Variants in SEC14L5 observed in about 807,000 individuals in gnomAD.
SEC14L5 encodes the protein SEC14 like lipid binding 5, also known as SEC14-like protein 5.
A neutral mutation model predicts 84.6 loss-of-function variants in SEC14L5; 96 were observed. The observed-to-expected ratio is 1.13, with a 90% CI of 0.96 to 1.34. The LOEUF (loss-of-function observed/expected upper bound fraction) is 1.34. SEC14L5 is among the 40% of genes most tolerant of loss of function. The pLI, the probability that SEC14L5 is intolerant of heterozygous loss-of-function variation, is 0.00. For missense variants in SEC14L5, 1,224 were observed against 942.5 expected (o/e 1.30, Z -3.91); for synonymous variants, 546 against 383.4 (o/e 1.42, Z -4.95).
chr16:4,975,844 G>A (rs953187641), intron 2 of SEC14L5, among the ~76,000 whole-genome samples: 8 of 152,160 alleles, frequency 5.3e-5, no homozygotes, highest in East Asian at 3.9e-4. Context: ...CAGTGGCTGC[G>A]TAGTGGCCAG....
chr16:5,002,632 A>T (rs1955689486), intron 10 of SEC14L5, among the ~76,000 whole-genome samples: 1 of 152,150 alleles, frequency 6.6e-6, no homozygotes, highest in Non-Finnish European at 1.5e-5. Context: ...TCATGAAGGG[A>T]TGCTTTGGAG....
intron 12 of SEC14L5, among the ~76,000 whole-genome samples, chr16:5,006,643 C>G (rs937615063): frequency 5.3e-5 from 8 of 152,226 alleles, no homozygotes; most frequent in Non-Finnish European, 1.2e-4. Flanking sequence ...AAATACCAGA[C>G]AGTGAGCTTG....
Position 4,959,305 on chromosome 16 carries a change from T to C in SEC14L5, c.-19T>C, listed in dbSNP as rs370986603. 144 of 1,609,324 alleles carry C rather than the reference T, an allele frequency of 8.9e-5. No homozygotes were observed. In the African/African-American group the frequency reaches 9.9e-4, roughly 11 times the overall value. On this transcript the variant is annotated 5_prime_UTR_variant, in exon 2 of 16. Coordinates refer to ENST00000251170, the MANE Select transcript of SEC14L5 (RefSeq NM_014692.2). ...GCACACCCCTGCCTGGTGACCTCCA[T>C]TGGTGCTCCAGCGTGAACATGGTGC...
chr16:4,996,835 T>C lies in SEC14L5; in HGVS notation c.781-20T>C, dbSNP rs773072865. ...TCAGGGGATACCGTTCTGTGGGCTTTTTACTTCTTTGTCTCTCAGATTCCC... is the reference window on the plus strand; with the variant it reads ...TCAGGGGATACCGTTCTGTGGGCTTCTTACTTCTTTGTCTCTCAGATTCCC... On this transcript the variant is annotated intron_variant, in intron 7 of 15. Transcript: ENST00000251170. 42 of 1,599,178 alleles carry C rather than the reference T, an allele frequency of 2.6e-5. No individual in the cohort carries two copies. Among genetic ancestry groups the C allele is most frequent in the Non-Finnish European group, 3.2e-5 (38 of 1,171,642 alleles).
At chr16:4,982,281 G>C (rs995490336) in intron 2 of SEC14L5, among the ~76,000 whole-genome samples, 1 of 152,126 alleles carries the variant, frequency 6.6e-6, no homozygotes, top group African/African-American at 2.4e-5. Context: ...CTCAGATGCC[G>C]GCACTATTTT....
At chr16:4,995,288 C>T (rs900046547) in intron 6 of SEC14L5, among the ~76,000 whole-genome samples, 2 of 152,254 alleles carry the variant, frequency 1.3e-5, no homozygotes, top group Non-Finnish European at 1.5e-5. Context: ...ACCCTCATGG[C>T]TAAGAGTGGG....
chr16:4,991,778 C>T (rs1053080472), intron 5 of SEC14L5, 60 bp from the exon 6 acceptor site: 2 of 1,249,596 alleles, frequency 1.6e-6, no homozygotes. Flanking sequence ...CTGTGGTGAT[C>T]CTGTGACCCC....
intron 6 of SEC14L5, among the ~76,000 whole-genome samples, chr16:4,994,806 G>A (rs1320613172): frequency 3.3e-5 from 5 of 151,822 alleles, no homozygotes; most frequent in East Asian, 3.9e-4. Flanking sequence ...TGTGCTGTCC[G>A]CCAGCAGCAC....
intron 15 of SEC14L5, among the ~76,000 whole-genome samples, chr16:5,012,716 C>A (rs1378956068): frequency 6.6e-6 from 1 of 152,146 alleles, no homozygotes; most frequent in Admixed American, 6.5e-5. Flanking sequence ...ACCAGCCTAG[C>A]CAACATGGCG....
At chr16:4,964,553 C>T (rs1375551009) in intron 2 of SEC14L5, among the ~76,000 whole-genome samples, 11 of 152,036 alleles carry the variant, frequency 7.2e-5, no homozygotes, top group Non-Finnish European at 4.4e-5. Flanking sequence ...CATTGCACTC[C>T]AGCCTGGGTG....
chr16:5,014,314 C>T (rs928366886), intron 15 of SEC14L5, among the ~76,000 whole-genome samples: 5 of 152,072 alleles, frequency 3.3e-5, no homozygotes, highest in Admixed American at 6.6e-5. Context: ...TTTGGGAGGC[C>T]GAGTCACGAG....
chr16:4,976,704 T>A (rs1955345207), intron 2 of SEC14L5, among the ~76,000 whole-genome samples: 1 of 152,200 alleles, frequency 6.6e-6, no homozygotes, highest in Non-Finnish European at 1.5e-5. Flanking sequence ...ACTGTGGCCC[T>A]GCAGCTGTGG....
chr16:5,012,310 G>A (rs1172211625), intron 15 of SEC14L5, among the ~76,000 whole-genome samples: 1 of 152,198 alleles, frequency 6.6e-6, no homozygotes, highest in African/African-American at 2.4e-5. Context: ...TTCTGAGGCC[G>A]GGCATGTGGA....
At chr16:4,985,295 G>A (rs1017384576) in intron 2 of SEC14L5, among the ~76,000 whole-genome samples, 2 of 151,896 alleles carry the variant, frequency 1.3e-5, no homozygotes, top group African/African-American at 2.4e-5. Flanking sequence ...GCACAATGTC[G>A]CCTCACTGCA....
At chr16:5,012,397 C>G (rs1387762118) in intron 15 of SEC14L5, among the ~76,000 whole-genome samples, 1 of 152,192 alleles carries the variant, frequency 6.6e-6, no homozygotes. Context: ...CCTTACTGCC[C>G]TGTCCTCTTG....
chr16:4,980,083 G>A (rs1164695476), intron 2 of SEC14L5, among the ~76,000 whole-genome samples: 1 of 152,230 alleles, frequency 6.6e-6, no homozygotes. Flanking sequence ...GCTGCTGGGC[G>A]AGTCACTCTG....
Position 4,988,267 on chromosome 16 carries a change from A to G in SEC14L5, c.332A>G (p.His111Arg). Residue 111 changes from histidine to arginine, a missense_variant, in exon 4 of 16, where the codon CAC (histidine) becomes CGC (arginine). Transcript: ENST00000251170. Reference sequence around the variant, plus strand: ...GCCAACCGCGTGGTGGTGAACGAGCACTGCAGCTACACGGTGAGCCCAGGC... The same window carrying G: ...GCCAACCGCGTGGTGGTGAACGAGCGCTGCAGCTACACGGTGAGCCCAGGC... The part of the protein sequence containing the change: ...TFANRVVVNE[H>R]CSYTVHPENE... 1 of 1,613,710 alleles carries G rather than the reference A, an allele frequency of 6.2e-7. No homozygotes were observed.
intron 11 of SEC14L5, among the ~76,000 whole-genome samples, chr16:5,003,852 C>T (rs1169962619): frequency 1.3e-5 from 2 of 152,250 alleles, no homozygotes; most frequent in African/African-American, 2.4e-5. Flanking sequence ...TCTCAAATTC[C>T]TGGGCTCAAG....
chr16:4,989,667 G>A (rs1242504523), intron 4 of SEC14L5, among the ~76,000 whole-genome samples: 1 of 152,114 alleles, frequency 6.6e-6, no homozygotes, highest in Non-Finnish European at 1.5e-5. Context: ...TTCTTTCTAC[G>A]CCTCCAACTC....
Sources: allele counts gnomAD v4.1 joint callset (sites outside exome capture counted in the v4.1 genomes callset), GRCh38; gene constraint gnomAD v4.1.1; transcripts MANE v1.5; gene names NCBI Gene and HGNC (gene_info 2026-07-23, HGNC 2026-07-21).